The following SYN3 variants were observed in gnomAD, a reference collection of about 807,000 sequenced individuals.
The protein encoded by SYN3 is synapsin-3.
In SYN3, 35 loss-of-function variants were observed where a neutral mutation model predicts 65.8. That is an observed-to-expected ratio of 0.53 (90% CI 0.41 to 0.70). The LOEUF (loss-of-function observed/expected upper bound fraction) is 0.70. SYN3 is among the 30% of genes least tolerant of loss of function. The pLI is 0.00. For synonymous variants in SYN3, 270 were observed against 292.9 expected, an observed-to-expected ratio of 0.92 and a Z score of 0.80; for missense variants, 680 against 749.0, an observed-to-expected ratio of 0.91 and a Z score of 1.08.
At chr22:32,538,622 C>T (rs1406356943) in intron 8 of SYN3, among the ~76,000 whole-genome samples, 1 of 152,150 alleles carries the variant, frequency 6.6e-6, no homozygotes, top group African/African-American at 2.4e-5. Flanking sequence ...TTCCGGTGCT[C>T]CACTGCCCAT....
At chr22:32,748,381 T>G (rs868577675) in intron 6 of SYN3, among the ~76,000 whole-genome samples, 10 of 152,320 alleles carry the variant, frequency 6.6e-5, no homozygotes, top group Non-Finnish European at 1.5e-5. Flanking sequence ...GCAACCTCTC[T>G]GAGCTTCAGG....
intron 4 of SYN3, among the ~76,000 whole-genome samples, chr22:32,921,669 G>A (rs2050337371): frequency 6.6e-6 from 1 of 152,194 alleles, no homozygotes; most frequent in African/African-American, 2.4e-5. Context: ...AACTGTCCCA[G>A]TTGTGACTCA....
chr22:33,038,868 A>T (rs1027961811), intron 1 of SYN3, among the ~76,000 whole-genome samples: 1 of 152,188 alleles, frequency 6.6e-6, no homozygotes, highest in African/African-American at 2.4e-5. Flanking sequence ...TGGCCAAAGG[A>T]TCCCTGAGCT....
intron 6 of SYN3, among the ~76,000 whole-genome samples, chr22:32,815,481 C>T (rs1390768048): frequency 6.6e-6 from 1 of 152,146 alleles, no homozygotes; most frequent in Non-Finnish European, 1.5e-5. Flanking sequence ...CCTTTTAAAG[C>T]ATTATCTCCT....
At chr22:32,625,338 C>T (rs940893864) in intron 6 of SYN3, among the ~76,000 whole-genome samples, 3 of 152,168 alleles carry the variant, frequency 2.0e-5, no homozygotes, top group Admixed American at 2.0e-4. Flanking sequence ...TTAGATCCAG[C>T]CATCCATGTG....
chr22:32,676,350 G>T (rs1037283536), intron 6 of SYN3, among the ~76,000 whole-genome samples: 40 of 152,244 alleles, frequency 2.6e-4, no homozygotes, highest in African/African-American at 9.6e-4. Context: ...CTTGGCACCA[G>T]CAAGATTTAT....
chr22:33,001,789 A>T (rs963388389), intron 2 of SYN3, among the ~76,000 whole-genome samples: 1 of 152,226 alleles, frequency 6.6e-6, no homozygotes, highest in Non-Finnish European at 1.5e-5. Context: ...AGTAATTTAC[A>T]AAGGTCATTA....
At chr22:32,563,675 GT>G (rs1217865968) in intron 7 of SYN3, among the ~76,000 whole-genome samples, 1 of 152,026 alleles carries the variant, frequency 6.6e-6, no homozygotes, top group Non-Finnish European at 1.5e-5. Context: ...AGCCCTGCTA[GT>G]TTTTTTGTTT....
intron 12 of SYN3, chr22:32,519,309 T>G (rs774292338): frequency 1.8e-4 from 25 of 141,320 alleles, no homozygotes; most frequent in Admixed American, 8.2e-4. Flanking sequence ...ATTTTAATTC[T>G]CTTTTTTTTT....
chr22:32,689,412 T>C (rs12159013), intron 6 of SYN3, among the ~76,000 whole-genome samples: 17 of 152,238 alleles, frequency 1.1e-4, no homozygotes, highest in African/African-American at 4.1e-4. Context: ...TGTCACGGGG[T>C]ACCATGAGAA....
chr22:32,669,807 G>T (rs1276496806), intron 6 of SYN3, among the ~76,000 whole-genome samples: 1 of 152,198 alleles, frequency 6.6e-6, no homozygotes, highest in Non-Finnish European at 1.5e-5. Context: ...TTCCTTAAAG[G>T]GGAGCTGACA....
chr22:32,931,639 A>G (rs1365835), intron 3 of SYN3, among the ~76,000 whole-genome samples, 158 bp from the exon 4 acceptor site: 8,887 of 152,294 alleles, frequency 0.058, 845 homozygotes, highest in African/African-American at 0.2. Context: ...TTTTTGAAAG[A>G]TGAGGAAGCT....
chr22:32,708,890 G>A (rs1569163664), intron 6 of SYN3, among the ~76,000 whole-genome samples: 1 of 152,256 alleles, frequency 6.6e-6, no homozygotes, highest in African/African-American at 2.4e-5. Flanking sequence ...ATGACTCCGT[G>A]CGGAAGGACT....
chr22:32,558,929 C>G (rs1569037220), intron 7 of SYN3, among the ~76,000 whole-genome samples: 1 of 152,226 alleles, frequency 6.6e-6, no homozygotes, highest in Non-Finnish European at 1.5e-5. Flanking sequence ...GGGCACTGGT[C>G]TGGGACCATG....
chr22:32,543,733 G>C (rs12628631), intron 7 of SYN3, among the ~76,000 whole-genome samples: 7 of 151,950 alleles, frequency 4.6e-5, no homozygotes, highest in Non-Finnish European at 1.0e-4. Flanking sequence ...AGCTCTGGCC[G>C]GTGAAACCTG....
At chr22:32,808,917 C>A (rs1390994956) in intron 6 of SYN3, among the ~76,000 whole-genome samples, 3 of 152,230 alleles carry the variant, frequency 2.0e-5, no homozygotes, top group African/African-American at 7.2e-5. Context: ...ACCTAACCCA[C>A]TTTAGAGGGT....
chr22:32,937,524 C>G (rs2146732252), intron 3 of SYN3, among the ~76,000 whole-genome samples: 1 of 152,226 alleles, frequency 6.6e-6, no homozygotes, highest in African/African-American at 2.4e-5. Context: ...GAAGCAAGCA[C>G]TATCCTCATA....
chr22:32,568,460 G>A (rs1230456538), intron 7 of SYN3, among the ~76,000 whole-genome samples: 1 of 152,202 alleles, frequency 6.6e-6, no homozygotes, highest in Non-Finnish European at 1.5e-5. Flanking sequence ...CATTGGGGTT[G>A]CTCTAACAAA....
intron 6 of SYN3, among the ~76,000 whole-genome samples, chr22:32,855,976 T>C (rs1007066602): frequency 6.6e-6 from 1 of 152,222 alleles, no homozygotes; most frequent in Non-Finnish European, 1.5e-5. Context: ...ACGAACCCAA[T>C]GCTTTCACCA....
Sources: gnomAD v4.1 joint callset for allele counts (sites outside exome capture counted in the v4.1 genomes callset) on GRCh38, gnomAD v4.1.1 for gene constraint, MANE v1.5 for transcripts, NCBI Gene and HGNC (gene_info 2026-07-23, HGNC 2026-07-21) for gene names.